The following MTUS2 variants were observed in gnomAD, a reference collection of about 807,000 sequenced individuals.
MTUS2 encodes microtubule-associated tumor suppressor candidate 2.
In MTUS2, 40 loss-of-function variants were observed where a neutral mutation model predicts 114.1. That is an observed-to-expected ratio of 0.35 (90% CI 0.27 to 0.46). The LOEUF (loss-of-function observed/expected upper bound fraction) is 0.46. Ranked by LOEUF, MTUS2 falls within the 20% of genes least tolerant of loss-of-function variation. MTUS2 has a pLI of 1.00. For synonymous variants in MTUS2, 688 were observed against 672.0 expected (o/e 1.02, Z -0.37); for missense variants, 1,679 against 1,705.4 (o/e 0.98, Z 0.27).
intron 5 of MTUS2, among the ~76,000 whole-genome samples, chr13:29,229,689 T>A (rs895745269): frequency 6.6e-6 from 1 of 152,212 alleles, no homozygotes; most frequent in Non-Finnish European, 1.5e-5. Flanking sequence ...AGGAATCTTT[T>A]CTGAAACACT....
chr13:29,215,418 G>A (rs1221547127), intron 5 of MTUS2, among the ~76,000 whole-genome samples: 1 of 148,970 alleles, frequency 6.7e-6, no homozygotes, highest in Non-Finnish European at 1.5e-5. Flanking sequence ...GTGAGGAATT[G>A]TGATCCTTTG....
chr13:28,919,875 G>A (rs1445243499), intron 2 of MTUS2, among the ~76,000 whole-genome samples: 1 of 152,018 alleles, frequency 6.6e-6, no homozygotes, highest in Admixed American at 6.5e-5. Context: ...TCTTCAATAT[G>A]TCAATTGCAT....
At chr13:28,901,296 T>G (rs1318418696) in intron 2 of MTUS2, among the ~76,000 whole-genome samples, 1 of 152,224 alleles carries the variant, frequency 6.6e-6, no homozygotes, top group Non-Finnish European at 1.5e-5. Context: ...GCAAAGATTT[T>G]CTCCCAATGC....
intron 2 of MTUS2, among the ~76,000 whole-genome samples, chr13:28,947,177 T>TTACTAA (rs1436928056): frequency 6.6e-6 from 1 of 152,210 alleles, no homozygotes; most frequent in African/African-American, 2.4e-5. Context: ...AGCCTTGAAT[T>TTACTAA]TACTAATTAA....
At chr13:29,258,602 A>G (rs551344069) in intron 5 of MTUS2, among the ~76,000 whole-genome samples, 1 of 152,332 alleles carries the variant, frequency 6.6e-6, no homozygotes, top group South Asian at 2.1e-4. Flanking sequence ...TATGTTCAGA[A>G]TTTGCCATTA....
intron 9 of MTUS2, among the ~76,000 whole-genome samples, chr13:29,451,003 C>T (rs1031477153): frequency 2.0e-5 from 3 of 152,322 alleles, no homozygotes. Flanking sequence ...ATTGGAGACT[C>T]CAGTACTCCA....
chr13:29,223,229 AC>A (rs928611157), intron 5 of MTUS2, among the ~76,000 whole-genome samples: 2 of 152,190 alleles, frequency 1.3e-5, no homozygotes, highest in African/African-American at 4.8e-5. Flanking sequence ...GTCCATGGCC[AC>A]CCATGGACAA....
At chr13:29,196,139 G>A (rs941408756) in intron 5 of MTUS2, among the ~76,000 whole-genome samples, 3 of 149,848 alleles carry the variant, frequency 2.0e-5, no homozygotes, top group Non-Finnish European at 4.4e-5. Context: ...CTCTGTCGCC[G>A]AGGTGGGAGT....
chr13:29,204,904 C>T (rs1895119756), intron 5 of MTUS2, among the ~76,000 whole-genome samples: 1 of 152,142 alleles, frequency 6.6e-6, no homozygotes, highest in African/African-American at 2.4e-5. Flanking sequence ...AAATCGGGGA[C>T]ATCATGGGGT....
intron 2 of MTUS2, among the ~76,000 whole-genome samples, chr13:28,848,488 C>G (rs761146776): frequency 1.3e-5 from 2 of 150,474 alleles, no homozygotes; most frequent in African/African-American, 4.9e-5. Context: ...TTACATTATA[C>G]GATAAATAAT....
intron 4 of MTUS2, among the ~76,000 whole-genome samples, chr13:29,038,098 G>A (rs1198275811): frequency 6.6e-6 from 1 of 152,176 alleles, no homozygotes; most frequent in East Asian, 1.9e-4. Context: ...AGGCATTCTG[G>A]TGTTTGGAAT....
chr13:29,421,613 G>C (rs1876114493), intron 8 of MTUS2, among the ~76,000 whole-genome samples: 1 of 152,214 alleles, frequency 6.6e-6, no homozygotes, highest in Non-Finnish European at 1.5e-5. Flanking sequence ...GCAGGTCATA[G>C]GTGTCCTGGG....
chr13:29,482,450 A>T (rs1478982056), intron 10 of MTUS2: 4 of 152,240 alleles, frequency 2.6e-5, no homozygotes, highest in Non-Finnish European at 5.9e-5. Context: ...CCTGGGCATA[A>T]TTCAAACACG....
chr13:29,070,528 T>G (rs1028167629), intron 4 of MTUS2, among the ~76,000 whole-genome samples: 2 of 152,138 alleles, frequency 1.3e-5, no homozygotes, highest in Non-Finnish European at 2.9e-5. Flanking sequence ...TGATTTCTTT[T>G]TTTTCCTCCT....
intron 6 of MTUS2, among the ~76,000 whole-genome samples, chr13:29,302,247 T>A (rs1731409376): frequency 1.3e-5 from 2 of 151,776 alleles, no homozygotes; most frequent in Admixed American, 1.3e-4. Context: ...CACCCAGGAG[T>A]GGCACAGAGC....
At chr13:29,119,556 C>A (rs74041738) in intron 5 of MTUS2, among the ~76,000 whole-genome samples, 4 of 152,058 alleles carry the variant, frequency 2.6e-5, no homozygotes, top group African/African-American at 9.7e-5. Context: ...TATAAATTAT[C>A]TGATTATGTA....
intron 5 of MTUS2, among the ~76,000 whole-genome samples, chr13:29,272,300 A>T (rs1377773997): frequency 6.6e-6 from 1 of 152,168 alleles, no homozygotes; most frequent in African/African-American, 2.4e-5. Flanking sequence ...ATTGCCTAGG[A>T]TTGTTAAAAA....
chr13:29,455,291 AG>A (rs538029637), intron 9 of MTUS2, among the ~76,000 whole-genome samples: 2 of 152,242 alleles, frequency 1.3e-5, no homozygotes, highest in South Asian at 4.1e-4. Flanking sequence ...GAGGGCCTGC[AG>A]GGGGCAGCTG....
At chr13:29,134,785 C>T (rs1195314072) in intron 5 of MTUS2, among the ~76,000 whole-genome samples, 7 of 152,234 alleles carry the variant, frequency 4.6e-5, no homozygotes, top group East Asian at 3.9e-4. Flanking sequence ...TTAGTAGAGA[C>T]GGGGTTTCAC....
Sources: gnomAD v4.1 joint callset for allele counts (sites outside exome capture counted in the v4.1 genomes callset) on GRCh38, gnomAD v4.1.1 for gene constraint, MANE v1.5 for transcripts, NCBI Gene and HGNC (gene_info 2026-07-23, HGNC 2026-07-21) for gene names.